EPB41L4A: variants seen among roughly 807,000 people sequenced by gnomAD.
EPB41L4A encodes the protein erythrocyte membrane protein band 4.1 like 4A, also known as band 4.1-like protein 4A.
Under a neutral mutation model 108.6 loss-of-function variants are expected in EPB41L4A, and 100 were observed. The ratio of observed to expected loss-of-function variants is 0.92; its 90% CI spans 0.78 to 1.09. The LOEUF (loss-of-function observed/expected upper bound fraction) is 1.09. Among genes scored for constraint, EPB41L4A ranks in the 50% least tolerant of loss-of-function variants. The pLI, the probability that EPB41L4A is intolerant of heterozygous loss-of-function variation, is 0.00. For synonymous variants in EPB41L4A, 319 were observed against 289.0 expected, an observed-to-expected ratio of 1.10 and a Z score of -1.05; for missense variants, 1,030 against 842.7, an observed-to-expected ratio of 1.22 and a Z score of -2.75.
intron 1 of EPB41L4A, among the ~76,000 whole-genome samples, chr5:112,367,426 C>G (rs910667194): frequency 1.8e-4 from 28 of 152,298 alleles, no homozygotes; most frequent in African/African-American, 6.7e-4. Context: ...CCTATCTTCC[C>G]TTATCACTCA....
chr5:112,297,806 T>A (rs1203743846), intron 2 of EPB41L4A, among the ~76,000 whole-genome samples: 1 of 152,194 alleles, frequency 6.6e-6, no homozygotes, highest in Admixed American at 6.5e-5. Context: ...CCTTGATCCA[T>A]CTTGAGTTGA....
chr5:112,419,922 G>C (rs61730663), upstream of EPB41L4A: 24 of 456,364 alleles, frequency 5.3e-5, no homozygotes, highest in East Asian at 1.4e-4. Context: ...AGCAAAGCGG[G>C]GAGGCGGGGA....
chr5:112,223,183 G>A (rs1748192437), intron 12 of EPB41L4A, among the ~76,000 whole-genome samples: 4 of 151,908 alleles, frequency 2.6e-5, no homozygotes, highest in Admixed American at 1.3e-4. Flanking sequence ...CTGGTGATCT[G>A]CCCGCCTTGG....
intron 1 of EPB41L4A, among the ~76,000 whole-genome samples, chr5:112,385,451 T>A (rs940437176): frequency 7.8e-5 from 11 of 141,522 alleles, no homozygotes; most frequent in Admixed American, 6.0e-4. Flanking sequence ...GAAAAGCCAA[T>A]CCAGAGTCCT....
intron 5 of EPB41L4A, among the ~76,000 whole-genome samples, chr5:112,265,246 T>C (rs1175924043): frequency 6.6e-6 from 1 of 152,252 alleles, no homozygotes; most frequent in Non-Finnish European, 1.5e-5. Context: ...TCCCAAATAC[T>C]ATAATTATAT....
chr5:112,142,163 C>T (rs1311609606), downstream of EPB41L4A, among the ~76,000 whole-genome samples: 1 of 152,150 alleles, frequency 6.6e-6, no homozygotes, highest in Admixed American at 6.5e-5. Flanking sequence ...ACACTAGGTT[C>T]TAAGACTCCT....
chr5:112,199,748 G>C lies in EPB41L4A; in HGVS notation c.1377-4040C>G, dbSNP rs1039686216. Reference sequence around the variant, plus strand: ...GAATTCAAAAAACTGAACAAGCCTGGGTTTCATTCTGGACAGCTCCCTCTC... The same window carrying C: ...GAATTCAAAAAACTGAACAAGCCTGCGTTTCATTCTGGACAGCTCCCTCTC... On this transcript the variant is annotated intron_variant, in intron 15 of 22. Coordinates refer to ENST00000261486, the MANE Select transcript of EPB41L4A (RefSeq NM_022140.5). Among the ~76,000 whole-genome samples, 6 of 152,212 alleles carry C rather than the reference G, an allele frequency of 3.9e-5. No individual in the cohort carries two copies. The South Asian group carries it at 8.3e-4, about 21-fold the overall frequency.
chr5:112,405,763 C>A (rs1165639554), intron 1 of EPB41L4A, among the ~76,000 whole-genome samples: 8 of 152,184 alleles, frequency 5.3e-5, no homozygotes, highest in African/African-American at 1.9e-4. Context: ...ACAAGAATTT[C>A]TGTACCTCTT....
At chr5:112,252,732 G>A (rs114237736) in intron 9 of EPB41L4A, among the ~76,000 whole-genome samples, 2 of 152,086 alleles carry the variant, frequency 1.3e-5, no homozygotes, top group East Asian at 3.9e-4. Flanking sequence ...CCACCTGTTG[G>A]GTACTAAGCT....
At chr5:112,267,380 G>A (rs1417683405) in intron 4 of EPB41L4A, among the ~76,000 whole-genome samples, 1 of 152,194 alleles carries the variant, frequency 6.6e-6, no homozygotes, top group African/African-American at 2.4e-5. Flanking sequence ...AGCACTTAGT[G>A]AGGAAATGTT....
chr5:112,363,637 C>G (rs757134683), intron 1 of EPB41L4A: 2 of 152,338 alleles, frequency 1.3e-5, no homozygotes, highest in Non-Finnish European at 2.9e-5. Context: ...ATGTGAGATC[C>G]TGCACAATCT....
In EPB41L4A at chr5:112,418,975, T is replaced by C. The variant is rs780763973; in HGVS notation, c.65A>G (p.Lys22Arg). Residue 22 changes from lysine (K) to arginine (R), a missense_variant, in exon 1 of 23, where the codon AAG (lysine) becomes AGG (arginine). Transcript: ENST00000261486. ...CTGCTGCTGGGTGGTAAGGGTTAAC[T>C]TGGATTCATCCAGGAGCAAAACTTC... ...YCEVLLLDES[K>R]LTLTTQQQGI... is the part of the protein sequence containing the mutation. 4.3e-6 allele frequency: 7 copies of C among 1,613,406 alleles called. No individual in the cohort carries two copies. In the East Asian group the frequency reaches 1.1e-4, roughly 26 times the overall value.
In EPB41L4A at chr5:112,170,997, A is replaced by C; in HGVS notation, c.1623-5T>G. ...GCTTGGATATCGGGGCTTCTCCTAT[A>C]AATAGAGAAAACAACATTCATCTCT... On this transcript the variant is annotated splice_region_variant and splice_polypyrimidine_tract_variant and intron_variant, in intron 18 of 22. Coordinates refer to ENST00000261486, the MANE Select transcript of EPB41L4A (RefSeq NM_022140.5). 6.2e-7 allele frequency: 1 copy of C among 1,612,330 alleles called. No homozygotes were observed. The highest frequency in any genetic ancestry group is 1.1e-5 in the South Asian group (1 of 91,022).
chr5:112,237,280 T>G (rs1749414780), intron 11 of EPB41L4A, among the ~76,000 whole-genome samples: 3 of 152,148 alleles, frequency 2.0e-5, no homozygotes, highest in Admixed American at 2.0e-4. Context: ...CAGCTCAGCC[T>G]TTCCTCACAA....
At position 112,199,964 on chromosome 5, in the gene EPB41L4A, G is replaced by A. The variant is rs17321278; in HGVS notation, c.1377-4256C>T. Among the ~76,000 whole-genome samples the A allele has an allele frequency of 5.8e-3, 879 of 152,262 alleles. 3 individuals carry two copies. The highest frequency in any genetic ancestry group is 0.014 in the Middle Eastern group (4 of 294). On this transcript the variant is annotated intron_variant, in intron 15 of 22. Transcript: ENST00000261486. ...CACCATTTCTCCACAGGACAGTGAG[G>A]GTCATCTGTACAAACACAAATGTGA...
chr5:112,152,890 G>A (rs1561430887), intron 12 of EPB41L4A, among the ~76,000 whole-genome samples: 1 of 152,164 alleles, frequency 6.6e-6, no homozygotes, highest in South Asian at 2.1e-4. Flanking sequence ...TATATCAATT[G>A]TATGAATATG....
At chr5:112,256,307 A>G (rs1751085934) in intron 9 of EPB41L4A, among the ~76,000 whole-genome samples, 1 of 152,218 alleles carries the variant, frequency 6.6e-6, no homozygotes, top group East Asian at 1.9e-4. Flanking sequence ...CAGAAAGCCA[A>G]TCAAGGATGC....
intron 18 of EPB41L4A, among the ~76,000 whole-genome samples, chr5:112,177,811 AT>A (rs925874578): frequency 6.6e-6 from 1 of 152,198 alleles, no homozygotes; most frequent in Non-Finnish European, 1.5e-5. Context: ...AAATAAAAAA[AT>A]AATAAAAGTA....
chr5:112,279,335 A>G (rs1270125914), intron 3 of EPB41L4A, among the ~76,000 whole-genome samples: 1 of 152,168 alleles, frequency 6.6e-6, no homozygotes, highest in East Asian at 1.9e-4. Flanking sequence ...AACCAATACT[A>G]TCACAGGAAA....
Sources: gnomAD v4.1 joint callset for allele counts (sites outside exome capture counted in the v4.1 genomes callset) on GRCh38, gnomAD v4.1.1 for gene constraint, MANE v1.5 for transcripts, NCBI Gene and HGNC (gene_info 2026-07-23, HGNC 2026-07-21) for gene names.